The following ATP10B variants were observed in gnomAD, a reference collection of about 807,000 sequenced individuals.
ATP10B encodes the protein ATPase phospholipid transporting 10B (putative).
Under a neutral mutation model 141.2 loss-of-function variants are expected in ATP10B, and 122 were observed. The ratio of observed to expected loss-of-function variants is 0.86; its 90% CI spans 0.75 to 1.00. The LOEUF (loss-of-function observed/expected upper bound fraction) is 1.00. Ranked by LOEUF, ATP10B falls within the 50% of genes least tolerant of loss-of-function variation. The pLI, the probability that ATP10B is intolerant of heterozygous loss-of-function variation, is 0.00. For missense variants in ATP10B, 1,876 were observed against 1,825.3 expected, an observed-to-expected ratio of 1.03 and a Z score of -0.51; for synonymous variants, 685 against 692.0, an observed-to-expected ratio of 0.99 and a Z score of 0.16.
chr5:160,622,742 T>C (rs2127651492), intron 13 of ATP10B, among the ~76,000 whole-genome samples, 157 bp from the exon 14 acceptor site: 1 of 152,324 alleles, frequency 6.6e-6, no homozygotes, highest in East Asian at 1.9e-4. Flanking sequence ...CAATTCTTAT[T>C]TGAGTCCTTC....
the ATP10B span, among the ~76,000 whole-genome samples, chr5:160,903,192 T>C: frequency 6.6e-6 from 1 of 152,192 alleles, no homozygotes; most frequent in African/African-American, 2.4e-5. Flanking sequence ...TGCTTAGGGC[T>C]ATGTATAGCT....
the ATP10B span, among the ~76,000 whole-genome samples, chr5:160,860,937 T>C: frequency 6.6e-6 from 1 of 152,064 alleles, no homozygotes; most frequent in South Asian, 2.1e-4. Flanking sequence ...AGGGCACAAG[T>C]ATCCCCATTC....
At chr5:160,899,335 T>C in the ATP10B span, among the ~76,000 whole-genome samples, 1 of 151,976 alleles carries the variant, frequency 6.6e-6, no homozygotes, top group Non-Finnish European at 1.5e-5. Context: ...TAATATTTAT[T>C]AAAAATAAGA....
the ATP10B span, among the ~76,000 whole-genome samples, chr5:160,905,809 G>A: frequency 6.6e-6 from 1 of 151,938 alleles, no homozygotes; most frequent in Non-Finnish European, 1.5e-5. Flanking sequence ...ATGATAAACT[G>A]AGTTCTTTTG....
chr5:160,623,315 G>A (rs1758450550), intron 13 of ATP10B, among the ~76,000 whole-genome samples: 1 of 152,204 alleles, frequency 6.6e-6, no homozygotes, highest in East Asian at 1.9e-4. Context: ...AACTCAGAAT[G>A]TCCACAGGAG....
chr5:160,823,633 G>T (rs1315693926), intron 1 of ATP10B, among the ~76,000 whole-genome samples: 2 of 152,184 alleles, frequency 1.3e-5, no homozygotes, highest in African/African-American at 2.4e-5. Flanking sequence ...GAGGTGGGCA[G>T]ATCATGAGGT....
At position 160,688,957 on chromosome 5, in the gene ATP10B, CT is replaced by C; in HGVS notation, c.-204-15del. On this transcript the variant is annotated splice_polypyrimidine_tract_variant and intron_variant, in intron 3 of 25. Transcript: ENST00000327245. ...ATTTGGTGGTTTCTGAAACCAAGTA[CT>C]TGATTAAGCAGATGGTCTGCCCAGG... 2 of 985,272 alleles carry C rather than the reference CT, an allele frequency of 2.0e-6. No individual in the cohort carries two copies. Among genetic ancestry groups the C allele is most frequent in the East Asian group, 2.3e-4 (2 of 8,810 alleles). The allele number at this position is 985,272 out of a possible 1,614,324, so 61.0% of individuals were successfully genotyped here.
At chr5:160,708,655 A>G (rs1765164970) in intron 3 of ATP10B, among the ~76,000 whole-genome samples, 1 of 152,188 alleles carries the variant, frequency 6.6e-6, no homozygotes, top group Admixed American at 6.5e-5. Flanking sequence ...AGGCATGTAC[A>G]GGTTTGGAAT....
chr5:160,873,264 T>C, the ATP10B span, among the ~76,000 whole-genome samples: 31 of 152,152 alleles, frequency 2.0e-4, no homozygotes, highest in African/African-American at 7.5e-4. Flanking sequence ...TGATGAAGAA[T>C]ATCCACAAAA....
At position 160,665,934 on chromosome 5, in the gene ATP10B, C is replaced by T. The variant is rs541047699; in HGVS notation, c.675+4529G>A. Among the ~76,000 whole-genome samples the T allele has an allele frequency of 2.5e-3, 373 of 152,150 alleles. 1 individual carries two copies. Among genetic ancestry groups the T allele is most frequent in the African/African-American group, 8.7e-3 (362 of 41,506 alleles). ...ACTTATTATGTAAGATATTAAATTT[C>T]CAAACAAACCATATTTGTAGGTGTT... On this transcript the variant is annotated intron_variant, in intron 7 of 25. Coordinates refer to ENST00000327245, the MANE Select transcript of ATP10B (RefSeq NM_025153.3).
chr5:160,788,293 G>A (rs1771316970), intron 1 of ATP10B, among the ~76,000 whole-genome samples: 2 of 152,166 alleles, frequency 1.3e-5, no homozygotes, highest in Non-Finnish European at 2.9e-5. Context: ...GCCAACAGTT[G>A]AAACAGCAAG....
At chr5:160,650,400 G>A in intron 7 of ATP10B, among the ~76,000 whole-genome samples, 1 of 152,136 alleles carries the variant, frequency 6.6e-6, no homozygotes, top group Non-Finnish European at 1.5e-5. Context: ...ATGTAACAAA[G>A]ATCCCACCAA....
Position 160,841,243 on chromosome 5 carries a change from G to A in ATP10B, c.-576+10698C>T, listed in dbSNP as rs1775790153. Among the ~76,000 whole-genome samples, 3 of 152,160 alleles carry A rather than the reference G, an allele frequency of 2.0e-5. No individual in the cohort carries two copies. The South Asian group carries it at 6.2e-4, about 32-fold the overall frequency. On this transcript the variant is annotated intron_variant, in intron 1 of 25. Transcript: ENST00000327245. ...AATGCAGTTGTAAACAAAGAATGAG[G>A]AAGATCTCTACGAACTGATGTAGAA...
chr5:160,841,776 G>A (rs1775822804), intron 1 of ATP10B, among the ~76,000 whole-genome samples: 1 of 152,086 alleles, frequency 6.6e-6, no homozygotes, highest in Non-Finnish European at 1.5e-5. Context: ...CTAGGCTGGA[G>A]TGCAGTGGCA....
At chr5:160,738,044 C>CA (rs1279783763) in intron 2 of ATP10B, among the ~76,000 whole-genome samples, 7 of 151,790 alleles carry the variant, frequency 4.6e-5, no homozygotes, top group East Asian at 3.9e-4. Flanking sequence ...TATGTTAGGA[C>CA]AAAAAAATCA....
chr5:160,572,634 T>C (rs1302777478), intron 24 of ATP10B, among the ~76,000 whole-genome samples: 2 of 152,220 alleles, frequency 1.3e-5, no homozygotes, highest in Non-Finnish European at 2.9e-5. Context: ...ACTCATTTAA[T>C]ATAATGTTGA....
At position 160,569,481 on chromosome 5, in the gene ATP10B, C is replaced by T. The variant is rs773939732; in HGVS notation, c.3938+15G>A. The T allele has an allele frequency of 6.2e-7, 1 of 1,613,262 alleles. No homozygotes were observed. Among genetic ancestry groups the T allele is most frequent in the Non-Finnish European group, 8.5e-7 (1 of 1,179,530 alleles). Reference sequence around the variant, plus strand: ...TGGTAATTTTAGGAAAGAAACACAGCCCTAGTGCTCAAACCTTGGGAGAAG... The same window carrying T: ...TGGTAATTTTAGGAAAGAAACACAGTCCTAGTGCTCAAACCTTGGGAGAAG... On this transcript the variant is annotated intron_variant, in intron 25 of 25. Coordinates refer to ENST00000327245, the MANE Select transcript of ATP10B (RefSeq NM_025153.3).
the ATP10B span, among the ~76,000 whole-genome samples, chr5:160,927,955 G>A: frequency 6.6e-6 from 1 of 152,302 alleles, no homozygotes; most frequent in African/African-American, 2.4e-5. Flanking sequence ...ATTGGGAAAA[G>A]CCAAGGAATA....
the ATP10B span, among the ~76,000 whole-genome samples, chr5:160,887,755 A>G: frequency 6.6e-6 from 1 of 152,114 alleles, no homozygotes; most frequent in Non-Finnish European, 1.5e-5. Context: ...TTCTTCCCCA[A>G]GATACCTGTG....
Sources: allele counts gnomAD v4.1 joint callset (sites outside exome capture counted in the v4.1 genomes callset), GRCh38; gene constraint gnomAD v4.1.1; transcripts MANE v1.5; gene names NCBI Gene and HGNC (gene_info 2026-07-23, HGNC 2026-07-21).